LIMCH1: variants seen among roughly 807,000 people sequenced by gnomAD.
LIMCH1 encodes the protein LIM and calponin homology domains 1.
A neutral mutation model predicts 176.5 loss-of-function variants in LIMCH1; 113 were observed. The ratio of observed to expected loss-of-function variants is 0.64; its 90% confidence interval spans 0.55 to 0.75. The LOEUF is 0.75. LIMCH1 is among the 30% of genes least tolerant of loss of function. LIMCH1 has a pLI of 0.00. For synonymous variants in LIMCH1, 619 were observed against 645.9 expected (o/e 0.96, Z 0.63); for missense variants, 1,674 against 1,814.9 (o/e 0.92, Z 1.41).
At chr4:41,458,572 A>G (rs1350184560) in intron 1 of LIMCH1, among the ~76,000 whole-genome samples, 1 of 151,886 alleles carries the variant, frequency 6.6e-6, no homozygotes, top group Non-Finnish European at 1.5e-5. Flanking sequence ...TCAAGAGATC[A>G]AGACCATCCT....
At chr4:41,617,926 T>G (rs570568963) in intron 5 of LIMCH1, among the ~76,000 whole-genome samples, 5 of 152,324 alleles carry the variant, frequency 3.3e-5, no homozygotes, top group African/African-American at 9.6e-5. Flanking sequence ...CATATGTATC[T>G]GGTTCTTCCA....
At chr4:41,457,237 G>A (rs773727569) in intron 1 of LIMCH1, among the ~76,000 whole-genome samples, 5 of 152,048 alleles carry the variant, frequency 3.3e-5, no homozygotes, top group Non-Finnish European at 5.9e-5. Context: ...TGCTTTCACA[G>A]TCTTACTGAC....
chr4:41,628,828 A>T (rs1376521942), intron 8 of LIMCH1, among the ~76,000 whole-genome samples: 3 of 152,208 alleles, frequency 2.0e-5, no homozygotes, highest in Non-Finnish European at 4.4e-5. Context: ...CACAAGAAAC[A>T]AGTGGGTATT....
intron 1 of LIMCH1, among the ~76,000 whole-genome samples, chr4:41,433,813 A>T (rs566956470): frequency 1.2e-4 from 19 of 152,240 alleles, no homozygotes; most frequent in Admixed American, 7.8e-4. Flanking sequence ...ATTTGAGGGA[A>T]GTCGGGGAAA....
chr4:41,595,155 TC>T (rs1203833666), intron 1 of LIMCH1, among the ~76,000 whole-genome samples: 1 of 152,156 alleles, frequency 6.6e-6, no homozygotes, highest in African/African-American at 2.4e-5. Flanking sequence ...TCAAGATTGT[TC>T]AAGGCTAGAG....
chr4:41,648,884 G>C (rs2094175511), intron 17 of LIMCH1, among the ~76,000 whole-genome samples: 1 of 151,290 alleles, frequency 6.6e-6, no homozygotes, highest in African/African-American at 2.4e-5. Flanking sequence ...AAAAGAACTA[G>C]AATAGAATAT....
intron 1 of LIMCH1, among the ~76,000 whole-genome samples, chr4:41,385,254 A>G (rs552455683): frequency 6.6e-6 from 1 of 152,234 alleles, no homozygotes; most frequent in South Asian, 2.1e-4. Context: ...ATCTGTTTCT[A>G]TTCCACTGTG....
intron 1 of LIMCH1, among the ~76,000 whole-genome samples, chr4:41,369,652 T>A (rs2154096080): frequency 6.6e-6 from 1 of 152,282 alleles, no homozygotes; most frequent in Admixed American, 6.5e-5. Context: ...TTTAGAAAAG[T>A]TGCTGTATTT....
At chr4:41,485,720 G>A (rs2069404991) in intron 1 of LIMCH1, among the ~76,000 whole-genome samples, 1 of 152,172 alleles carries the variant, frequency 6.6e-6, no homozygotes, top group South Asian at 2.1e-4. Context: ...TTAACCTTGA[G>A]TGAGATGGGG....
chr4:41,460,458 C>CCA (rs1554057132), intron 1 of LIMCH1, among the ~76,000 whole-genome samples: 1 of 110,546 alleles, frequency 9.0e-6, no homozygotes, highest in African/African-American at 4.0e-5. Context: ...TAGTAATCAT[C>CCA]TATATATATA....
chr4:41,503,700 G>A (rs1177703633), intron 2 of LIMCH1, among the ~76,000 whole-genome samples: 1 of 152,150 alleles, frequency 6.6e-6, no homozygotes, highest in South Asian at 2.1e-4. Context: ...CCTTGGTGAG[G>A]TAAAACTGAG....
At chr4:41,520,356 C>T (rs1194130917) in intron 2 of LIMCH1, among the ~76,000 whole-genome samples, 1 of 152,088 alleles carries the variant, frequency 6.6e-6, no homozygotes, top group Non-Finnish European at 1.5e-5. Flanking sequence ...AACGCTTGTC[C>T]TCCAGTCTCT....
At chr4:41,617,708 C>T (rs1018449215) in intron 5 of LIMCH1, among the ~76,000 whole-genome samples, 16 of 152,140 alleles carry the variant, frequency 1.1e-4, no homozygotes, top group Non-Finnish European at 1.9e-4. Context: ...ATGCCTTTAA[C>T]GTTTACAGTC....
rs143744609 is a variant in LIMCH1, at chr4:41,579,779, C to T, written c.-240-19141C>T. On this transcript the variant is annotated intron_variant, in intron 1 of 31. Transcript: ENST00000503057. ...GAGGATGCATGATAGGGGATGATTG[C>T]CTTTCTCTGGTATCCTCTTGGCATG... 4.3e-3 allele frequency among the ~76,000 whole-genome samples: 662 copies of T among 152,230 alleles called. 9 individuals carry two copies. Among genetic ancestry groups the T allele is most frequent in the African/African-American group, 0.015 (637 of 41,530 alleles).
intron 1 of LIMCH1, among the ~76,000 whole-genome samples, chr4:41,481,601 G>T (rs1000537920): frequency 6.6e-6 from 1 of 152,214 alleles, no homozygotes; most frequent in Non-Finnish European, 1.5e-5. Flanking sequence ...GGCAACTGCA[G>T]TTGTCTGGCT....
At chr4:41,600,971 C>G (rs1244910512) in intron 2 of LIMCH1, among the ~76,000 whole-genome samples, 1 of 152,060 alleles carries the variant, frequency 6.6e-6, no homozygotes. Context: ...CCTTCCCTCC[C>G]TTTTTAATCC....
intron 14 of LIMCH1, among the ~76,000 whole-genome samples, chr4:41,644,140 A>G (rs1375036633): frequency 1.3e-5 from 2 of 152,192 alleles, no homozygotes; most frequent in African/African-American, 4.8e-5. Context: ...TCTTAATTTT[A>G]TTTTTTAAAT....
chr4:41,609,800 A>G (rs2152784722), intron 4 of LIMCH1: 1 of 367,496 alleles, frequency 2.7e-6, no homozygotes, highest in Non-Finnish European at 5.4e-6. Flanking sequence ...TTAGAGCCCA[A>G]GAAAGGAGAA....
chr4:41,619,299 C>T lies in LIMCH1; in HGVS notation c.317C>T (p.Pro106Leu). 1.2e-6 allele frequency: 2 copies of T among 1,614,204 alleles called. No individual in the cohort carries two copies. The highest frequency in any genetic ancestry group is 8.5e-7 in the Non-Finnish European group (1 of 1,180,030). ...TSHGEPKSAV[P>L]FNQYLPNKSN... ...CATGGTGAGCCGAAATCAGCAGTGC[C>T]TTTTAACCAGTACCTCCCGAACAAA... The change falls in exon 6 of 32, where the codon CCT becomes CTT. Residue 106 changes from proline to leucine, a missense_variant. Around this residue, in one of 3 missense-constraint regions of LIMCH1, gnomAD observed 655 missense variants for 692.2 expected, o/e 0.95. Coordinates refer to ENST00000503057, the MANE Select transcript of LIMCH1 (RefSeq NM_001330672.2).
Sources: allele counts gnomAD v4.1 joint callset (sites outside exome capture counted in the v4.1 genomes callset), GRCh38; gene constraint gnomAD v4.1.1; regional missense constraint gnomAD v4.1.1; transcripts MANE v1.5; gene names NCBI Gene and HGNC (gene_info 2026-07-23, HGNC 2026-07-21).